Variants in FGF12 observed in about 807,000 individuals in gnomAD.
FGF12 encodes fibroblast growth factor 12B.
A neutral mutation model predicts 23.6 loss-of-function variants in FGF12; 14 were observed. The observed-to-expected ratio is 0.59, with a 90% CI of 0.39 to 0.93. The LOEUF (loss-of-function observed/expected upper bound fraction) is 0.93, where lower values mean the gene tolerates loss of function less well. Among genes scored for constraint, FGF12 ranks in the 40% least tolerant of loss-of-function variants. The probability of loss-of-function intolerance (pLI) is 0.00; values close to 1 mark genes in which losing one functional copy is unlikely to be tolerated. For missense variants in FGF12, 175 were observed against 217.8 expected (o/e 0.80, Z 1.24); for synonymous variants, 62 against 77.3 (o/e 0.80, Z 1.04).
chr3:192,602,656 G>A (rs1714160941), intron 2 of FGF12, among the ~76,000 whole-genome samples: 2 of 151,702 alleles, frequency 1.3e-5, no homozygotes, highest in African/African-American at 4.8e-5. Flanking sequence ...TACCACTGTG[G>A]GACCCAGGAA....
chr3:192,602,985 T>C (rs1184546550), intron 2 of FGF12, among the ~76,000 whole-genome samples: 2 of 152,088 alleles, frequency 1.3e-5, no homozygotes, highest in African/African-American at 4.8e-5. Context: ...AAATTTAACA[T>C]CCCCTCATGA....
chr3:192,661,229 A>G (rs1001448515), intron 2 of FGF12, among the ~76,000 whole-genome samples: 2 of 152,206 alleles, frequency 1.3e-5, no homozygotes, highest in Admixed American at 1.3e-4. Flanking sequence ...GCACTATAAA[A>G]AAATTAAATA....
intron 2 of FGF12, among the ~76,000 whole-genome samples, chr3:192,583,230 G>A (rs757441973): frequency 1.1e-4 from 16 of 152,016 alleles, no homozygotes; most frequent in South Asian, 2.1e-4. Flanking sequence ...CACTGGCTTC[G>A]TGCTCTCTTA....
At chr3:192,709,213 A>T (rs187516349) in intron 2 of FGF12, among the ~76,000 whole-genome samples, 1 of 152,298 alleles carries the variant, frequency 6.6e-6, no homozygotes, top group Non-Finnish European at 1.5e-5. Context: ...AGTTCAATCA[A>T]TACTAACCTG....
chr3:192,164,178 A>G (rs1194657308), intron 5 of FGF12, among the ~76,000 whole-genome samples: 3 of 152,138 alleles, frequency 2.0e-5, no homozygotes, highest in African/African-American at 7.2e-5. Context: ...GCTATATCTG[A>G]TGCTAAAGGG....
At chr3:192,355,334 T>G (rs1718420233) in intron 3 of FGF12, among the ~76,000 whole-genome samples, 1 of 152,126 alleles carries the variant, frequency 6.6e-6, no homozygotes, top group African/African-American at 2.4e-5. Context: ...TAAAAGAAGG[T>G]GCTGATAGAT....
chr3:192,668,957 G>A (rs1338364794), intron 2 of FGF12, among the ~76,000 whole-genome samples: 1 of 152,122 alleles, frequency 6.6e-6, no homozygotes, highest in Non-Finnish European at 1.5e-5. Context: ...CAGCAGTTAG[G>A]AAATTAGAAT....
chr3:192,421,601 A>G (rs1576969769), intron 2 of FGF12, among the ~76,000 whole-genome samples: 1 of 152,076 alleles, frequency 6.6e-6, no homozygotes, highest in African/African-American at 2.4e-5. Flanking sequence ...GTTCTCACTT[A>G]TGAGTGGGAG....
chr3:192,290,190 T>C (rs913482059), intron 4 of FGF12, among the ~76,000 whole-genome samples: 16 of 152,174 alleles, frequency 1.1e-4, no homozygotes, highest in African/African-American at 3.9e-4. Flanking sequence ...GATAGTAAAC[T>C]TCCAATTTCT....
intron 2 of FGF12, among the ~76,000 whole-genome samples, chr3:192,655,269 C>T (rs377542100): frequency 1.3e-5 from 2 of 152,138 alleles, no homozygotes; most frequent in African/African-American, 4.8e-5. Context: ...ATCCTAGCCA[C>T]CCTTGTAGAT....
intron 2 of FGF12, among the ~76,000 whole-genome samples, chr3:192,499,509 TATATATA>T (rs1367589018): frequency 1.2e-4 from 5 of 41,500 alleles, no homozygotes; most frequent in African/African-American, 5.8e-4. Context: ...TATATATATA[TATATATA>T]TTTTTTTTTT....
intron 2 of FGF12, among the ~76,000 whole-genome samples, chr3:192,676,972 C>T (rs932183822): frequency 6.6e-6 from 1 of 152,144 alleles, no homozygotes; most frequent in African/African-American, 2.4e-5. Flanking sequence ...GTTACAGCAG[C>T]CCTAGAAAAC....
At chr3:192,571,292 G>A (rs945631861) in intron 2 of FGF12, among the ~76,000 whole-genome samples, 1 of 152,124 alleles carries the variant, frequency 6.6e-6, no homozygotes, top group East Asian at 1.9e-4. Context: ...CAAACATCGC[G>A]GTCTGTGAAA....
intron 4 of FGF12, among the ~76,000 whole-genome samples, chr3:192,315,927 T>C (rs1716204647): frequency 6.6e-6 from 1 of 152,194 alleles, no homozygotes; most frequent in Non-Finnish European, 1.5e-5. Flanking sequence ...TTTATCAGTT[T>C]AGCAGTTCAT....
At chr3:192,435,425 C>T (rs1258277875) in intron 2 of FGF12, among the ~76,000 whole-genome samples, 3 of 152,164 alleles carry the variant, frequency 2.0e-5, no homozygotes, top group African/African-American at 4.8e-5. Flanking sequence ...GGCCATCTGG[C>T]TTCTTACTCC....
chr3:192,236,036 C>A (rs550624845), intron 4 of FGF12, among the ~76,000 whole-genome samples: 1 of 152,042 alleles, frequency 6.6e-6, no homozygotes, highest in Non-Finnish European at 1.5e-5. Context: ...TAGCTATGTC[C>A]CAGAGATTCT....
intron 2 of FGF12, among the ~76,000 whole-genome samples, chr3:192,652,024 A>G (rs1446069651): frequency 6.6e-6 from 1 of 152,120 alleles, no homozygotes; most frequent in Admixed American, 6.6e-5. Flanking sequence ...TTCAAAAACT[A>G]TTTGCCAGGC....
At chr3:192,661,898 C>G (rs1389204843) in intron 2 of FGF12, among the ~76,000 whole-genome samples, 1 of 152,194 alleles carries the variant, frequency 6.6e-6, no homozygotes, top group East Asian at 1.9e-4. Context: ...AGCTTTACTA[C>G]TTAAAAGCTG....
chr3:192,445,618 C>T (rs1722331489), intron 2 of FGF12, among the ~76,000 whole-genome samples: 1 of 152,102 alleles, frequency 6.6e-6, no homozygotes, highest in Admixed American at 6.6e-5. Context: ...ATATCTTCAC[C>T]TAGAAATTCT....
Sources: allele counts gnomAD v4.1 joint callset (sites outside exome capture counted in the v4.1 genomes callset), GRCh38; gene constraint gnomAD v4.1.1; transcripts MANE v1.5; gene names NCBI Gene and HGNC (gene_info 2026-07-23, HGNC 2026-07-21).